The following MYO10 variants were observed in gnomAD, a reference collection of about 807,000 sequenced individuals.
MYO10 encodes unconventional myosin-X.
MYO10 carries 133 observed loss-of-function variants against 257.3 expected under a neutral mutation model. That is an observed-to-expected ratio of 0.52 (90% CI 0.45 to 0.60). The LOEUF is 0.60. Among genes scored for constraint, MYO10 ranks in the 20% least tolerant of loss-of-function variants. The pLI, the probability that MYO10 is intolerant of heterozygous loss-of-function variation, is 0.00. For missense variants in MYO10, 2,399 were observed against 2,635.7 expected, an observed-to-expected ratio of 0.91 and a Z score of 1.97; for synonymous variants, 1,104 against 1,028.6, an observed-to-expected ratio of 1.07 and a Z score of -1.40.
chr5:16,782,087 T>C (rs1278223655), intron 5 of MYO10, among the ~76,000 whole-genome samples: 1 of 152,210 alleles, frequency 6.6e-6, no homozygotes, highest in African/African-American at 2.4e-5. Flanking sequence ...CAATGGCTCG[T>C]TCCTGCACCA....
chr5:16,776,014 G>T (rs1277254272), intron 9 of MYO10, among the ~76,000 whole-genome samples: 1 of 152,000 alleles, frequency 6.6e-6, no homozygotes, highest in African/African-American at 2.4e-5. Flanking sequence ...TCCCACCTCA[G>T]CCTCCCAAGT....
Position 16,701,542 on chromosome 5 carries a change from G to T in MYO10, c.2853C>A (p.Asp951Glu), listed in dbSNP as rs778312428. Reference protein sequence around the residue: ...FLESLNFDEIDECVRNIERSL... With the variant: ...FLESLNFDEIEECVRNIERSL... ...ACCGCTCGATATTCCGGACACACTCGTCGATCTCGTCGAAATTGAGGGACT... is the reference window on the plus strand; with the variant it reads ...ACCGCTCGATATTCCGGACACACTCTTCGATCTCGTCGAAATTGAGGGACT... Residue 951 changes from aspartate (D) to glutamate (E), a missense_variant, in exon 25 of 41, where the codon GAC becomes GAA. By Grantham distance (45) the Asp-to-Glu change is conservative. This residue lies in a region of MYO10 where 1,820 missense variants were observed against 1,939.4 expected (regional missense o/e 0.94). Coordinates refer to ENST00000513610, the MANE Select transcript of MYO10 (RefSeq NM_012334.3). This position sits in a 1 kb window ranked among gnomAD's most constrained non-coding sequence, Gnocchi z 8.1. The T allele has an allele frequency of 1.2e-6, 2 of 1,613,776 alleles. No individual in the cohort carries two copies. The highest frequency in any genetic ancestry group is 1.7e-6 in the Non-Finnish European group (2 of 1,179,898).
intron 2 of MYO10, among the ~76,000 whole-genome samples, chr5:16,844,160 G>A (rs1006698870): frequency 6.6e-6 from 1 of 152,028 alleles, no homozygotes; most frequent in African/African-American, 2.4e-5. Context: ...TGTTCCCCAA[G>A]TATCCTTAAA....
At chr5:16,768,158 A>T (rs1350780944) in intron 10 of MYO10, among the ~76,000 whole-genome samples, 1 of 152,094 alleles carries the variant, frequency 6.6e-6, no homozygotes, top group Non-Finnish European at 1.5e-5. Flanking sequence ...AACTCATCCA[A>T]TTTCCAGCTT....
At chr5:16,782,384 G>A (rs1741450092) in intron 5 of MYO10, among the ~76,000 whole-genome samples, 1 of 152,168 alleles carries the variant, frequency 6.6e-6, no homozygotes, top group Non-Finnish European at 1.5e-5. Flanking sequence ...CCTAAAAGCA[G>A]CTGTAAACAC....
At chr5:16,770,950 T>C (rs1007859849) in intron 9 of MYO10, among the ~76,000 whole-genome samples, 2 of 152,198 alleles carry the variant, frequency 1.3e-5, no homozygotes, top group Non-Finnish European at 2.9e-5. Flanking sequence ...GTATTTTCAG[T>C]AGATACGAGG....
chr5:16,932,410 T>A (rs569503634), intron 1 of MYO10, among the ~76,000 whole-genome samples: 1 of 152,182 alleles, frequency 6.6e-6, no homozygotes, highest in Non-Finnish European at 1.5e-5. Flanking sequence ...CTTCAGCACA[T>A]CAACACAAGT....
chr5:16,771,752 T>C (rs1741057624), intron 9 of MYO10, among the ~76,000 whole-genome samples: 1 of 151,440 alleles, frequency 6.6e-6, no homozygotes, highest in East Asian at 1.9e-4. Flanking sequence ...GCTAAATTTT[T>C]GTATTTTTAG....
chr5:16,719,824 C>T (rs1027620229), intron 19 of MYO10, among the ~76,000 whole-genome samples: 5 of 152,064 alleles, frequency 3.3e-5, no homozygotes, highest in East Asian at 1.9e-4. Flanking sequence ...ATTAGCCAGG[C>T]GTGGTGGTAC....
chr5:16,812,755 CTTTTACTTT>C, intron 3 of MYO10, among the ~76,000 whole-genome samples: 1 of 152,166 alleles, frequency 6.6e-6, no homozygotes. Flanking sequence ...GCTTTCACTT[CTTTTACTTT>C]AAAACATCCC....
intron 1 of MYO10, among the ~76,000 whole-genome samples, chr5:16,920,388 A>C (rs780051449): frequency 6.6e-6 from 1 of 152,260 alleles, no homozygotes; most frequent in Non-Finnish European, 1.5e-5. Context: ...TGGGCGGCAA[A>C]GGCACTGAGT....
chr5:16,803,999 C>T (rs1018463261), intron 3 of MYO10, among the ~76,000 whole-genome samples: 2 of 152,170 alleles, frequency 1.3e-5, no homozygotes, highest in Non-Finnish European at 1.5e-5. Context: ...GTAATGGAAC[C>T]GGCAAGGGGA....
chr5:16,883,116 C>T (rs558272726), intron 1 of MYO10, among the ~76,000 whole-genome samples: 2 of 151,934 alleles, frequency 1.3e-5, no homozygotes, highest in African/African-American at 4.8e-5. Flanking sequence ...GAGGTTTCAC[C>T]GTGTTAGCCA....
chr5:16,683,802 C>T, intron 30 of MYO10, 78 bp downstream of exon 30: 3 of 1,427,446 alleles, frequency 2.1e-6, no homozygotes, highest in South Asian at 1.2e-5. Flanking sequence ...TGAAGAGGGT[C>T]GTGACCCAGC....
chr5:16,916,405 T>TAAAAAAAAAAAAAAAAAA (rs71596001), intron 1 of MYO10: 1 of 104,260 alleles, frequency 9.6e-6, no homozygotes, highest in African/African-American at 3.6e-5. Context: ...AGCCATGAAG[T>TAAAAAAAAAAAAAAAAAA]AAAAAAAAAA....
In MYO10 at chr5:16,664,085, G is replaced by A. The variant is rs1370943787; in HGVS notation, c.*2607C>T. On this transcript the variant is annotated 3_prime_UTR_variant, in exon 41 of 41. Coordinates refer to ENST00000513610, the MANE Select transcript of MYO10 (RefSeq NM_012334.3). ...AGCTGTGATGCTGCTCTACAGTGAT[G>A]GGGGATGCTACCACTGGGGAAACTG... The A allele has an allele frequency of 1.3e-5, 2 of 152,188 alleles. No homozygotes were observed. The highest frequency in any genetic ancestry group is 4.8e-5 in the African/African-American group (2 of 41,428). 9.4% of individuals were successfully genotyped at this position (152,188 alleles called of 1,614,324 possible).
At chr5:16,737,121 A>G (rs1198535555) in intron 19 of MYO10, among the ~76,000 whole-genome samples, 2 of 152,200 alleles carry the variant, frequency 1.3e-5, no homozygotes, top group African/African-American at 4.8e-5. Flanking sequence ...AGGGTCTAAA[A>G]CATTGGTTTG....
At chr5:16,839,908 C>T (rs753729984) in intron 2 of MYO10, among the ~76,000 whole-genome samples, 29 of 152,136 alleles carry the variant, frequency 1.9e-4, no homozygotes, top group Non-Finnish European at 3.7e-4. Context: ...ATATTTTAGA[C>T]TTATAATGGG....
intron 9 of MYO10, among the ~76,000 whole-genome samples, chr5:16,773,677 A>G (rs867765870): frequency 8.6e-5 from 13 of 151,844 alleles, no homozygotes; most frequent in Admixed American, 2.6e-4. Context: ...AAAAAAAAAA[A>G]AGTGAAATAA....
Sources: allele counts gnomAD v4.1 joint callset (sites outside exome capture counted in the v4.1 genomes callset), GRCh38; gene constraint gnomAD v4.1.1; regional missense constraint gnomAD v4.1.1; non-coding constraint Gnocchi (gnomAD v3.1); transcripts MANE v1.5; gene names NCBI Gene and HGNC (gene_info 2026-07-23, HGNC 2026-07-21).